DPP10: variants seen among roughly 807,000 people sequenced by gnomAD.
The protein encoded by DPP10 is inactive dipeptidyl peptidase 10.
A neutral mutation model predicts 120.9 loss-of-function variants in DPP10; 33 were observed. The ratio of observed to expected loss-of-function variants is 0.27; its 90% CI spans 0.21 to 0.37. The LOEUF (loss-of-function observed/expected upper bound fraction) is 0.37, where lower values mean the gene tolerates loss of function less well. DPP10 is among the 10% of genes least tolerant of loss of function. The pLI is 1.00. For synonymous variants in DPP10, 337 were observed against 326.1 expected (o/e 1.03, Z -0.36); for missense variants, 816 against 942.8 (o/e 0.87, Z 1.76).
rs2066372229 is a variant in DPP10, at chr2:115,381,681, GT to G, written c.271+37773del. ...GCTCTGGTTTTTCCCCATCTTTGTGGTTTTATCTACTTTTGGTCTTTGATGA... is the reference window on the plus strand; with the variant it reads ...GCTCTGGTTTTTCCCCATCTTTGTGGTTTATCTACTTTTGGTCTTTGATGA... On this transcript the variant is annotated intron_variant, in intron 3 of 25. Transcript: ENST00000410059. Among the ~76,000 whole-genome samples the G allele has an allele frequency of 3.9e-5, 6 of 152,258 alleles. No individual in the cohort carries two copies. In the South Asian group the frequency reaches 1.2e-3, roughly 32 times the overall value.
At chr2:114,478,944 ATTC>A (rs1680767762) in intron 1 of DPP10, among the ~76,000 whole-genome samples, 2 of 134,250 alleles carry the variant, frequency 1.5e-5, no homozygotes, top group Admixed American at 1.5e-4. Flanking sequence ...ATAGAAATAT[ATTC>A]TTAATTTCTT....
intron 1 of DPP10, among the ~76,000 whole-genome samples, chr2:114,942,314 TATATATAC>T (rs1203476366): frequency 8.0e-6 from 1 of 125,658 alleles, no homozygotes; most frequent in African/African-American, 3.0e-5. Flanking sequence ...TATATATATA[TATATATAC>T]ACACACATAT....
intron 1 of DPP10, among the ~76,000 whole-genome samples, chr2:114,747,344 T>C (rs1678671462): frequency 1.3e-5 from 2 of 152,228 alleles, no homozygotes; most frequent in Admixed American, 1.3e-4. Context: ...GTGTGATAAC[T>C]ATAAGATCCT....
chr2:114,682,964 C>T (rs144783503), intron 1 of DPP10, among the ~76,000 whole-genome samples: 2 of 152,028 alleles, frequency 1.3e-5, no homozygotes, highest in Non-Finnish European at 2.9e-5. Context: ...GGTCATGTTC[C>T]AGTACTTTAA....
At chr2:114,456,062 C>G (rs542925435) in intron 1 of DPP10, among the ~76,000 whole-genome samples, 1 of 152,244 alleles carries the variant, frequency 6.6e-6, no homozygotes, top group South Asian at 2.1e-4. Context: ...TCATTATATG[C>G]TGACAGGTGG....
At chr2:114,596,528 T>C (rs1017720256) in intron 1 of DPP10, among the ~76,000 whole-genome samples, 1 of 152,094 alleles carries the variant, frequency 6.6e-6, no homozygotes, top group Admixed American at 6.6e-5. Context: ...TAGATGTCTT[T>C]ACCCATGAGT....
At chr2:115,276,247 C>T (rs919769226) in intron 1 of DPP10, among the ~76,000 whole-genome samples, 7 of 152,048 alleles carry the variant, frequency 4.6e-5, no homozygotes, top group African/African-American at 1.7e-4. Context: ...GGACAATCGC[C>T]TTTAAAGACA....
chr2:114,902,222 G>C lies in DPP10; in HGVS notation c.61-407017G>C, dbSNP rs182792700. The stretch of plus-strand genomic sequence containing the variant: ...ATTTGGCTCTTCCTGATTCCTTTTT[G>C]TTTCCTATGCTATTGAAGTTGTTGA... On this transcript the variant is annotated intron_variant, in intron 1 of 25. Coordinates refer to ENST00000410059, the MANE Select transcript of DPP10 (RefSeq NM_020868.6). Among the ~76,000 whole-genome samples, 252 of 152,088 alleles carry C rather than the reference G, an allele frequency of 1.7e-3. 2 individuals are homozygous for C. Among genetic ancestry groups the C allele is most frequent in the Non-Finnish European group, 3.1e-3 (208 of 67,964 alleles).
chr2:115,540,146 C>T (rs1326158536), intron 5 of DPP10, among the ~76,000 whole-genome samples: 1 of 151,686 alleles, frequency 6.6e-6, no homozygotes, highest in Non-Finnish European at 1.5e-5. Context: ...AGAAAATGAC[C>T]AAGGCTTTAT....
At chr2:114,604,024 C>T (rs79868087) in intron 1 of DPP10, among the ~76,000 whole-genome samples, 1,830 of 152,094 alleles carry the variant, frequency 0.012, 20 homozygotes, top group Non-Finnish European at 0.017. Context: ...AGTCATCCTC[C>T]GGTGGGGTCA....
At chr2:115,616,375 C>T (rs2084498467) in intron 5 of DPP10, among the ~76,000 whole-genome samples, 2 of 151,840 alleles carry the variant, frequency 1.3e-5, no homozygotes, top group Admixed American at 6.6e-5. Context: ...AATGAAGCCT[C>T]GCAACCATGG....
chr2:115,735,788 C>T (rs1676419967), intron 8 of DPP10, among the ~76,000 whole-genome samples: 1 of 150,708 alleles, frequency 6.6e-6, no homozygotes. Context: ...CCACCTCGGC[C>T]TCCCAAAGTG....
chr2:115,020,604 C>T (rs181339288), intron 1 of DPP10, among the ~76,000 whole-genome samples: 2 of 152,176 alleles, frequency 1.3e-5, no homozygotes, highest in African/African-American at 4.8e-5. Context: ...GACAGGTCAT[C>T]AAGACAGAAA....
At chr2:115,151,733 T>A (rs1271511752) in intron 1 of DPP10, among the ~76,000 whole-genome samples, 24 of 151,268 alleles carry the variant, frequency 1.6e-4, no homozygotes, top group Admixed American at 1.2e-3. Context: ...TTTTTTTTTT[T>A]AAATCCTTGC....
At chr2:115,195,955 A>G (rs2055231566) in intron 1 of DPP10, among the ~76,000 whole-genome samples, 1 of 152,222 alleles carries the variant, frequency 6.6e-6, no homozygotes, top group African/African-American at 2.4e-5. Context: ...ACAACCAAGT[A>G]TTTAGTGGAA....
At chr2:114,628,648 A>T (rs1694688141) in intron 1 of DPP10, among the ~76,000 whole-genome samples, 1 of 152,012 alleles carries the variant, frequency 6.6e-6, no homozygotes, top group Non-Finnish European at 1.5e-5. Context: ...TCTCCAACCC[A>T]ACTGAAGTTT....
rs546416792 is a variant in DPP10 at position 114,532,550 on chromosome 2, G to A, written c.60+89712G>A. On this transcript the variant is annotated intron_variant, in intron 1 of 25. Transcript: ENST00000410059. The stretch of plus-strand genomic sequence containing the variant: ...AGAAACTTTCTGTATGTCTGTCCTC[G>A]ATTACATTCTGTTTTATCCCACCCT... Among the ~76,000 whole-genome samples the A allele has an allele frequency of 5.3e-5, 8 of 151,764 alleles. No homozygotes were observed. In the South Asian group the frequency reaches 1.2e-3, roughly 24 times the overall value.
intron 1 of DPP10, among the ~76,000 whole-genome samples, chr2:114,785,174 T>A (rs1682663562): frequency 6.6e-6 from 1 of 152,174 alleles, no homozygotes; most frequent in African/African-American, 2.4e-5. Context: ...GAACTGTGTG[T>A]TTCATAATTT....
At chr2:115,069,750 G>C (rs1013876394) in intron 1 of DPP10, among the ~76,000 whole-genome samples, 12 of 151,554 alleles carry the variant, frequency 7.9e-5, no homozygotes, top group African/African-American at 2.9e-4. Context: ...GATGAATTTA[G>C]GCATGTTACT....
Sources: allele counts gnomAD v4.1 joint callset (sites outside exome capture counted in the v4.1 genomes callset), GRCh38; gene constraint gnomAD v4.1.1; transcripts MANE v1.5; gene names NCBI Gene and HGNC (gene_info 2026-07-23, HGNC 2026-07-21).